Variants in CABLES1 observed in about 807,000 individuals in gnomAD.
The protein encoded by CABLES1 is Cdk5 and Abl enzyme substrate 1.
In CABLES1, 36 loss-of-function variants were observed where a neutral mutation model predicts 57.8. That is an observed-to-expected ratio of 0.62 (90% confidence interval 0.48 to 0.82). CABLES1 has a LOEUF of 0.82. CABLES1 is among the 40% of genes least tolerant of loss of function. CABLES1 has a pLI of 0.00. For synonymous variants in CABLES1, 374 were observed against 363.0 expected (o/e 1.03, Z -0.35); for missense variants, 767 against 836.6 (o/e 0.92, Z 1.03).
rs1667937585 is a variant in CABLES1, at chr18:23,252,202, C to T, written c.1447-758C>T. On this transcript the variant is annotated intron_variant, in intron 7 of 9. Transcript: ENST00000256925. ...AGACATAAAGTGGAGTAGTGGTTGC[C>T]AGGAGCTGGAGGGAGTGGATGGGGA... Among the ~76,000 whole-genome samples the T allele has an allele frequency of 2.0e-5, 3 of 152,016 alleles. 1 individual carries two copies. The South Asian group carries it at 6.2e-4, about 31-fold the overall frequency.
At chr18:23,237,025 GTGCCCT>G in intron 6 of CABLES1, 111 bp from the exon 7 acceptor site, 1 of 708,288 alleles carries the variant, frequency 1.4e-6, no homozygotes, top group Non-Finnish European at 2.6e-6. Context: ...GTTGAGCTAA[GTGCCCT>G]AAAGCCAGCC....
rs569579022 is a variant in CABLES1, at chr18:23,174,821, C to CATATATATATAT, written c.846-13988_846-13977dup. On this transcript the variant is annotated intron_variant, in intron 1 of 9. Transcript: ENST00000256925. ...ATTTGTATGTATATACATGTTACAC[C>CATATATATATAT]ATATATATATATATATATATATATA... Among the ~76,000 whole-genome samples, 380 of 94,518 alleles carry CATATATATATAT rather than the reference C, an allele frequency of 4.0e-3. 3 individuals are homozygous for CATATATATATAT. Among genetic ancestry groups the CATATATATATAT allele is most frequent in the Middle Eastern group, 0.012 (2 of 170 alleles). 62.0% of individuals were successfully genotyped at this position (94,518 alleles called of 152,430 possible). A position where few individuals can be genotyped will look rare whatever the true frequency, so the allele number is the denominator to read the frequency against.
At chr18:23,160,183 G>A (rs1005594572) in intron 1 of CABLES1, among the ~76,000 whole-genome samples, 5 of 151,766 alleles carry the variant, frequency 3.3e-5, no homozygotes, top group African/African-American at 4.8e-5. Context: ...GATTACAGGC[G>A]CCCGCCACCA....
Position 23,193,141 on chromosome 18 carries a change from G to A in CABLES1, c.918-1307G>A, listed in dbSNP as rs528428727. Among the ~76,000 whole-genome samples, 5 of 151,914 alleles carry A rather than the reference G, an allele frequency of 3.3e-5. No individual in the cohort carries two copies. In the East Asian group the frequency reaches 9.7e-4, roughly 29 times the overall value. On this transcript the variant is annotated intron_variant, in intron 2 of 9. Coordinates refer to ENST00000256925, the MANE Select transcript of CABLES1 (RefSeq NM_001100619.3). ...TAACCCCTCCTGAAAGCCACAGGAAGCATCTACTAAATGTCCTCAAACAGG... is the reference window on the plus strand; with the variant it reads ...TAACCCCTCCTGAAAGCCACAGGAAACATCTACTAAATGTCCTCAAACAGG...
At chr18:23,237,409 A>T (rs2047629975) in intron 7 of CABLES1, among the ~76,000 whole-genome samples, 164 bp downstream of exon 7, 1 of 152,246 alleles carries the variant, frequency 6.6e-6, no homozygotes. Flanking sequence ...CCTCCTGTCC[A>T]GAATCCTGCT....
At chr18:23,190,526 G>A (rs986134116) in intron 2 of CABLES1, 1 of 152,224 alleles carries the variant, frequency 6.6e-6, no homozygotes, top group African/African-American at 2.4e-5. Flanking sequence ...GCTGGAGGAG[G>A]ACGTGGGTTC....
At chr18:23,156,582 A>G (rs1455495533) in intron 1 of CABLES1, among the ~76,000 whole-genome samples, 5 of 152,246 alleles carry the variant, frequency 3.3e-5, no homozygotes, top group Non-Finnish European at 2.9e-5. Flanking sequence ...GCACTGAATT[A>G]GGAAATACTG....
At chr18:23,190,533 G>T (rs1369485538) in intron 2 of CABLES1, 1 of 152,200 alleles carries the variant, frequency 6.6e-6, no homozygotes, top group Non-Finnish European at 1.5e-5. Flanking sequence ...GAGGACGTGG[G>T]TTCTGCGTTC....
intron 1 of CABLES1, among the ~76,000 whole-genome samples, chr18:23,146,186 C>A (rs577077092): frequency 2.6e-5 from 4 of 152,050 alleles, no homozygotes; most frequent in African/African-American, 9.7e-5. Context: ...GGCTGGGTGG[C>A]GGGGTAGAGG....
intron 1 of CABLES1, among the ~76,000 whole-genome samples, chr18:23,174,500 C>G (rs1375789395): frequency 1.3e-5 from 2 of 150,748 alleles, no homozygotes; most frequent in Non-Finnish European, 2.9e-5. Flanking sequence ...GAGACAGAGT[C>G]TCGCTGTGTC....
chr18:23,251,986 T>C (rs2048049351), intron 7 of CABLES1, among the ~76,000 whole-genome samples: 2 of 151,004 alleles, frequency 1.3e-5, no homozygotes, highest in Admixed American at 1.3e-4. Context: ...CTCAGGAAGC[T>C]GAGACAGGAG....
intron 3 of CABLES1, chr18:23,197,398 T>G (rs2047292234): frequency 6.6e-6 from 1 of 151,148 alleles, no homozygotes; most frequent in South Asian, 2.1e-4. Flanking sequence ...GAGGATGGAG[T>G]TTGCCTTCTG....
At chr18:23,244,447 C>T (rs1044031584) in intron 7 of CABLES1, among the ~76,000 whole-genome samples, 22 of 152,234 alleles carry the variant, frequency 1.4e-4, no homozygotes, top group Non-Finnish European at 1.9e-4. Context: ...CCCCAGGCTG[C>T]GTAGGCTACC....
At chr18:23,222,542 CTA>C (rs1568074406) in intron 4 of CABLES1, among the ~76,000 whole-genome samples, 4 of 147,822 alleles carry the variant, frequency 2.7e-5, no homozygotes, top group East Asian at 2.0e-4. Context: ...GTCTCTCTCT[CTA>C]TATATATCTA....
rs886967457 is a variant in CABLES1 at position 23,260,200 on chromosome 18, C to G, written c.*2833C>G. The G allele has an allele frequency of 6.6e-6, 1 of 152,198 alleles. No homozygotes were observed. The highest frequency in any genetic ancestry group is 1.5e-5 in the Non-Finnish European group (1 of 68,052). 9.4% of individuals were successfully genotyped at this position (152,198 alleles called of 1,614,324 possible). A position where few individuals can be genotyped will look rare whatever the true frequency, so the allele number is the denominator to read the frequency against. On this transcript the variant is annotated 3_prime_UTR_variant, in exon 10 of 10. Transcript: ENST00000256925. ...AAGTCACCACTTTTCCTTTCTTGCC[C>G]GCTAATAAAACCTATTTAAACAGGA...
At chr18:23,171,544 T>TA (rs996296390) in intron 1 of CABLES1, among the ~76,000 whole-genome samples, 3 of 152,240 alleles carry the variant, frequency 2.0e-5, no homozygotes, top group African/African-American at 7.2e-5. Context: ...GTCTGTTTTG[T>TA]AACACTTTTT....
chr18:23,240,550 T>G (rs1426818865), intron 7 of CABLES1, among the ~76,000 whole-genome samples: 7 of 152,246 alleles, frequency 4.6e-5, no homozygotes, highest in African/African-American at 1.4e-4. Flanking sequence ...ACTAGGCTAG[T>G]GTGAGGATCT....
Position 23,135,764 on chromosome 18 carries a change from TGGC to T in CABLES1, c.18_20del (p.Ala8?), listed in dbSNP as rs899219981. On this transcript the variant is annotated start_lost and inframe_deletion, in exon 1 of 10. Coordinates refer to ENST00000256925, the MANE Select transcript of CABLES1 (RefSeq NM_001100619.3). ...GAAATCCCGCCGCAGACGGACACAA[TGGC>T]GGCGGCGGCGGCGGCCGCCACCACG... 114 of 982,458 alleles carry T rather than the reference TGGC, an allele frequency of 1.2e-4. No homozygotes were observed. The highest frequency in any genetic ancestry group is 1.2e-4 in the Non-Finnish European group (101 of 829,442). The allele number at this position is 982,458 out of a possible 1,614,324, so 60.9% of individuals were successfully genotyped here.
chr18:23,207,094 A>G (rs2047369299), intron 3 of CABLES1, among the ~76,000 whole-genome samples: 1 of 152,192 alleles, frequency 6.6e-6, no homozygotes, highest in Non-Finnish European at 1.5e-5. Context: ...TACAGATGTG[A>G]GCCACGGTGC....
Sources: allele counts gnomAD v4.1 joint callset (sites outside exome capture counted in the v4.1 genomes callset), GRCh38; gene constraint gnomAD v4.1.1; transcripts MANE v1.5; gene names NCBI Gene and HGNC (gene_info 2026-07-23, HGNC 2026-07-21).